The following CLCN6 variants were observed in gnomAD, a reference collection of about 807,000 sequenced individuals.
The protein encoded by CLCN6 is H(+)/Cl(-) exchange transporter 6.
In CLCN6, 70 loss-of-function variants were observed where a neutral mutation model predicts 109.8. The ratio of observed to expected loss-of-function variants is 0.64; its 90% CI spans 0.53 to 0.78. The LOEUF (loss-of-function observed/expected upper bound fraction) is 0.78. Ranked by LOEUF, CLCN6 falls within the 30% of genes least tolerant of loss-of-function variation. CLCN6 has a pLI of 0.00. For missense variants in CLCN6, 984 were observed against 1,142.3 expected (o/e 0.86, Z 2.00); for synonymous variants, 444 against 447.8 (o/e 0.99, Z 0.11).
At chr1:11,811,151 C>T (rs1205801281) in intron 2 of CLCN6, among the ~76,000 whole-genome samples, 1 of 151,902 alleles carries the variant, frequency 6.6e-6, no homozygotes, top group East Asian at 1.9e-4. Context: ...ACGGAGGTTG[C>T]AGAGAGCTGT....
intron 6 of CLCN6, 32 bp from the exon 7 acceptor site, chr1:11,823,675 G>A (rs372611570): frequency 1.2e-6 from 2 of 1,613,774 alleles, no homozygotes; most frequent in Non-Finnish European, 1.7e-6. Flanking sequence ...AATGGATTTC[G>A]AGTTATGGGT....
intron 6 of CLCN6, 147 bp downstream of exon 6, chr1:11,822,948 C>T: frequency 1.6e-6 from 1 of 613,820 alleles, no homozygotes; most frequent in African/African-American, 1.8e-5. Flanking sequence ...AAGGTTTCAC[C>T]TCTGGTGAGA....
intron 8 of CLCN6, among the ~76,000 whole-genome samples, chr1:11,825,877 C>T (rs982152037): frequency 1.3e-5 from 2 of 152,202 alleles, no homozygotes; most frequent in African/African-American, 2.4e-5. Context: ...CCGTCCGCCT[C>T]GGCCTCCCAA....
chr1:11,823,868 CAA>C lies in CLCN6; in HGVS notation c.580+37_580+38del, dbSNP rs779343502. 4 of 1,611,150 alleles carry C rather than the reference CAA, an allele frequency of 2.5e-6. No homozygotes were observed. The South Asian group carries it at 4.4e-5, about 18-fold the overall frequency. ...GTCCAACTTGTATCCTTCAAATACT[CAA>C]AGGGCAGAGACGACAAGAAGCATGA... On this transcript the variant is annotated intron_variant, in intron 7 of 22. Transcript: ENST00000346436.
intron 10 of CLCN6, among the ~76,000 whole-genome samples, chr1:11,827,855 A>G (rs1417201710): frequency 6.6e-6 from 1 of 152,140 alleles, no homozygotes; most frequent in Non-Finnish European, 1.5e-5. Flanking sequence ...CTTTTGGTGC[A>G]AGGTCTGGTC....
chr1:11,815,514 G>A (rs139203752), intron 2 of CLCN6, among the ~76,000 whole-genome samples: 3,118 of 152,294 alleles, frequency 0.02, 397 homozygotes, highest in Admixed American at 0.2. Context: ...TCCTGCCTCA[G>A]CCTCCAAAGT....
chr1:11,815,790 C>T, intron 2 of CLCN6, 56 bp from the exon 3 acceptor site: 2 of 1,382,030 alleles, frequency 1.4e-6, no homozygotes, highest in Non-Finnish European at 2.1e-6. Context: ...AGGTTTGTCC[C>T]TTTGCAGGTC....
rs1277900449 is a variant in CLCN6 at position 11,836,335 on chromosome 1, G to T, written c.1980+182G>T. 2.6e-5 allele frequency among the ~76,000 whole-genome samples: 4 copies of T among 152,296 alleles called. No individual in the cohort carries two copies. In the South Asian group the frequency reaches 8.3e-4, roughly 32 times the overall value. On this transcript the variant is annotated intron_variant, in intron 18 of 22. Transcript: ENST00000346436. ...ACAGCAGGGGCAGCTTTATCAGGCC[G>T]TGAAGATGTGTGTGCGTTCTTGCCG...
chr1:11,829,658 G>T (rs547836646), intron 13 of CLCN6, among the ~76,000 whole-genome samples: 34 of 143,748 alleles, frequency 2.4e-4, no homozygotes, highest in African/African-American at 9.2e-4. Flanking sequence ...GGGAACCTGG[G>T]AACAACCCTG....
Position 11,833,883 on chromosome 1 carries a change from T to G in CLCN6, c.1379T>G (p.Phe460Cys). 1 of 1,610,428 alleles carries G rather than the reference T, an allele frequency of 6.2e-7. No individual in the cohort carries two copies. The highest frequency in any genetic ancestry group is 8.5e-7 in the Non-Finnish European group (1 of 1,178,488). ...GTTGGCTCTTCCCTTGCAGGTACTT[T>G]CAGCCCCGTCACTCTGGCCTTGTTC... ...ILQLFHQDGT[F>C]SPVTLALFFV... is the part of the protein sequence containing the mutation. The change falls in exon 15 of 23, where the codon TTC becomes TGC. Residue 460 changes from phenylalanine (F) to cysteine (C), a missense_variant. Physicochemically the swap from Phe to Cys is radical, Grantham distance 205. Transcript: ENST00000346436.
chr1:11,812,692 G>GTGTGTGTT (rs1175226329), intron 2 of CLCN6, among the ~76,000 whole-genome samples: 6 of 151,286 alleles, frequency 4.0e-5, no homozygotes, highest in Non-Finnish European at 8.9e-5. Flanking sequence ...GTGTGTGTGT[G>GTGTGTGTT]TGTGTGTGTG....
At chr1:11,830,758 T>TATA (rs1644871103) in intron 13 of CLCN6, among the ~76,000 whole-genome samples, 4 of 134,016 alleles carry the variant, frequency 3.0e-5, no homozygotes. Flanking sequence ...TATATATATA[T>TATA]ATATATACAC....
Position 11,829,094 on chromosome 1 carries a change from G to C in CLCN6, c.1122-102G>C, listed in dbSNP as rs561201746. ...CTGACCAGGGGCTGCTGTGAATGCT[G>C]TTTGGAGAAATCGGGGCTGGGGGTA... On this transcript the variant is annotated intron_variant, in intron 12 of 22. Coordinates refer to ENST00000346436, the MANE Select transcript of CLCN6 (RefSeq NM_001286.5). The C allele has an allele frequency of 3.6e-6, 5 of 1,400,584 alleles. No homozygotes were observed. The South Asian group carries it at 5.2e-5, about 14-fold the overall frequency. 86.8% of individuals were successfully genotyped at this position (1,400,584 alleles called of 1,614,324 possible). A position where few individuals can be genotyped will look rare whatever the true frequency, so the allele number is the denominator to read the frequency against.
intron 5 of CLCN6, among the ~76,000 whole-genome samples, chr1:11,821,154 CAAAA>C (rs754554980): frequency 8.7e-5 from 13 of 149,986 alleles, no homozygotes; most frequent in Non-Finnish European, 1.8e-4. Flanking sequence ...TTTATAAAGA[CAAAA>C]ACTCCAAATA....
intron 19 of CLCN6, 27 bp from the exon 20 acceptor site, chr1:11,837,316 A>C (rs1190521503): frequency 6.2e-7 from 1 of 1,600,436 alleles, no homozygotes. Flanking sequence ...AGGGTATCCC[A>C]GGCAGCATCT....
At chr1:11,836,274 C>T in intron 18 of CLCN6, 121 bp downstream of exon 18, 1 of 842,480 alleles carries the variant, frequency 1.2e-6, no homozygotes, top group Non-Finnish European at 1.8e-6. Flanking sequence ...GAAGTTGGCA[C>T]TGTTCTCATC....
intron 18 of CLCN6, 96 bp from the exon 19 acceptor site, chr1:11,836,903 C>T: frequency 6.9e-7 from 1 of 1,440,152 alleles, no homozygotes; most frequent in Non-Finnish European, 9.5e-7. Context: ...TCCGGATGTG[C>T]TTCTGACCCT....
intron 20 of CLCN6, 46 bp from the exon 21 acceptor site, chr1:11,838,289 G>A: frequency 6.4e-7 from 1 of 1,555,424 alleles, no homozygotes; most frequent in South Asian, 1.1e-5. Flanking sequence ...TGACCCTGCT[G>A]GCCACTGCTG....
At chr1:11,831,143 A>G (rs1452009203) in intron 13 of CLCN6, among the ~76,000 whole-genome samples, 1 of 144,898 alleles carries the variant, frequency 6.9e-6, no homozygotes. Flanking sequence ...GTTTATATAT[A>G]TATGTTTTTG....
Sources: gnomAD v4.1 joint callset for allele counts (sites outside exome capture counted in the v4.1 genomes callset) on GRCh38, gnomAD v4.1.1 for gene constraint, MANE v1.5 for transcripts, NCBI Gene and HGNC (gene_info 2026-07-23, HGNC 2026-07-21) for gene names.